Variants in EDA observed in about 807,000 individuals in gnomAD.
EDA encodes the protein ectodysplasin A.
Under a neutral mutation model 23.6 loss-of-function variants are expected in EDA, and 2 were observed. The observed-to-expected ratio is 0.08, with a 90% CI of 0.03 to 0.27. EDA has a LOEUF of 0.27. EDA is among the 10% of genes least tolerant of loss of function. EDA has a pLI of 1.00. For synonymous variants in EDA, 131 were observed against 132.0 expected (o/e 0.99, Z 0.05); for missense variants, 229 against 324.2 (o/e 0.71, Z 2.26).
intron 1 of EDA, among the ~76,000 whole-genome samples, chrX:69,888,711 T>C (rs2017867333): frequency 1.9e-5 from 2 of 106,590 alleles, no homozygotes; most frequent in African/African-American, 6.8e-5. Flanking sequence ...AGCAGGTAAT[T>C]ATATAATGAA....
intron 1 of EDA, among the ~76,000 whole-genome samples, chrX:69,632,240 T>A (rs1301747409): frequency 9.0e-6 from 1 of 111,706 alleles, no homozygotes; most frequent in Non-Finnish European, 1.9e-5. Flanking sequence ...CCATGTGATG[T>A]ATGGTCAACC....
intron 1 of EDA, among the ~76,000 whole-genome samples, chrX:69,849,231 CAAT>C (rs2017076118): frequency 9.0e-6 from 1 of 110,526 alleles, no homozygotes; most frequent in African/African-American, 3.3e-5. Context: ...GTTCTGTGAA[CAAT>C]GATGATGTAA....
At chrX:69,878,815 G>A (rs1363961120) in intron 1 of EDA, among the ~76,000 whole-genome samples, 2 of 109,287 alleles carry the variant, frequency 1.8e-5, no homozygotes, top group African/African-American at 6.7e-5. Flanking sequence ...CTTTTGTTAA[G>A]TGAATCCCAT....
intron 2 of EDA, among the ~76,000 whole-genome samples, chrX:69,960,708 T>C (rs762221951): frequency 9.0e-6 from 1 of 110,801 alleles, no homozygotes; most frequent in Admixed American, 9.6e-5. Context: ...AATTACTTGA[T>C]ATGTTATAAT....
At chrX:69,626,304 G>A (rs142559211) in intron 1 of EDA, among the ~76,000 whole-genome samples, 4 of 111,718 alleles carry the variant, frequency 3.6e-5, no homozygotes, top group Non-Finnish European at 5.7e-5. Flanking sequence ...CCACTCCTAG[G>A]CATATACCTA....
At chrX:69,923,146 G>T (rs2018460703) in intron 1 of EDA, among the ~76,000 whole-genome samples, 1 of 111,572 alleles carries the variant, frequency 9.0e-6, no homozygotes, top group Non-Finnish European at 1.9e-5. Flanking sequence ...ACTGTTAGTT[G>T]TATCTGATTT....
At chrX:69,709,579 G>T in intron 1 of EDA, among the ~76,000 whole-genome samples, 1 of 111,966 alleles carries the variant, frequency 8.9e-6, no homozygotes, top group Middle Eastern at 4.6e-3. Flanking sequence ...AGGAAGAAAG[G>T]GAGGGGAGGG....
chrX:69,726,681 T>TC (rs2012816355), intron 1 of EDA, among the ~76,000 whole-genome samples: 1 of 112,228 alleles, frequency 8.9e-6, no homozygotes, highest in Admixed American at 9.4e-5. Flanking sequence ...GGCTGGAAAG[T>TC]CCAAGATCAA....
intron 1 of EDA, among the ~76,000 whole-genome samples, chrX:69,896,398 A>AGTGTGTGTGTGTGTGT (rs373119823): frequency 2.1e-5 from 2 of 97,311 alleles, no homozygotes; most frequent in Non-Finnish European, 4.1e-5. Context: ...TATGTGCATC[A>AGTGTGTGTGTGTGTGT]GTGTGTGTGT....
chrX:69,895,332 G>A (rs1183860950), intron 1 of EDA, among the ~76,000 whole-genome samples: 1 of 106,774 alleles, frequency 9.4e-6, no homozygotes, highest in Non-Finnish European at 1.9e-5. Context: ...GGTGAGACTG[G>A]ATTTGTACGA....
chrX:69,724,035 CAG>C lies in EDA; in HGVS notation c.396+107333_396+107334del, dbSNP rs757821177. ...ACTTGGATAATTTAGATTCTCATAA[CAG>C]AAATATAATTGAAATGGCACAAGGT... On this transcript the variant is annotated intron_variant, in intron 1 of 7. Transcript: ENST00000374552. Among the ~76,000 whole-genome samples the C allele has an allele frequency of 1.0e-3, 116 of 111,922 alleles. 4 individuals carry two copies. Among genetic ancestry groups the C allele is most frequent in the East Asian group, 3.1e-3 (11 of 3,547 alleles).
chrX:69,675,845 T>A (rs182863329), intron 1 of EDA, among the ~76,000 whole-genome samples: 1 of 111,455 alleles, frequency 9.0e-6, no homozygotes, highest in Non-Finnish European at 1.9e-5. Flanking sequence ...GATGTGTATG[T>A]ATATGTGCAC....
intron 1 of EDA, among the ~76,000 whole-genome samples, chrX:69,901,016 T>C (rs1210160695): frequency 9.0e-6 from 1 of 111,520 alleles, no homozygotes; most frequent in Non-Finnish European, 1.9e-5. Context: ...TCCAATATTA[T>C]ATTAGAAGTC....
intron 1 of EDA, among the ~76,000 whole-genome samples, chrX:69,842,892 G>C (rs2016924658): frequency 9.0e-6 from 1 of 111,613 alleles, no homozygotes; most frequent in Admixed American, 9.5e-5. Context: ...CTTCTGCTAT[G>C]ATTATAAATT....
At chrX:69,991,290 A>G (rs2019585859) in intron 2 of EDA, among the ~76,000 whole-genome samples, 1 of 111,402 alleles carries the variant, frequency 9.0e-6, no homozygotes, top group Non-Finnish European at 1.9e-5. Flanking sequence ...CCCTACTTAC[A>G]TCTTCTATTT....
chrX:69,629,069 C>T (rs1932482328), intron 1 of EDA, among the ~76,000 whole-genome samples: 1 of 111,935 alleles, frequency 8.9e-6, no homozygotes, highest in South Asian at 3.8e-4. Context: ...CATCTCCCTA[C>T]TGCCCGTAGA....
At chrX:69,824,891 G>T (rs1237147597) in intron 1 of EDA, among the ~76,000 whole-genome samples, 8 of 76,520 alleles carry the variant, frequency 1.0e-4, no homozygotes, top group Non-Finnish European at 2.4e-5. Flanking sequence ...CTAATTTATT[G>T]AGAGTTTTTA....
intron 1 of EDA, among the ~76,000 whole-genome samples, chrX:69,929,626 C>A (rs896707953): frequency 4.6e-5 from 5 of 109,293 alleles, no homozygotes; most frequent in Non-Finnish European, 9.5e-5. Flanking sequence ...TGACAGTGGT[C>A]TGCCAAAGTC....
chrX:69,628,849 A>G lies in EDA; in HGVS notation c.396+12145A>G, dbSNP rs143701153. On this transcript the variant is annotated intron_variant, in intron 1 of 7. Coordinates refer to ENST00000374552, the MANE Select transcript of EDA (RefSeq NM_001399.5). Reference sequence around the variant, plus strand: ...TCCCTTTCTTTCTAGTCTCACTGCTATCACTCTGGCTGTATTTGGCTTAGA... The same window carrying G: ...TCCCTTTCTTTCTAGTCTCACTGCTGTCACTCTGGCTGTATTTGGCTTAGA... Among the ~76,000 whole-genome samples the G allele has an allele frequency of 4.5e-5, 5 of 111,145 alleles. No individual in the cohort carries two copies. The East Asian group carries it at 8.6e-4, about 19-fold the overall frequency.
Sources: gnomAD v4.1 joint callset for allele counts (sites outside exome capture counted in the v4.1 genomes callset) on GRCh38, gnomAD v4.1.1 for gene constraint, MANE v1.5 for transcripts, NCBI Gene and HGNC (gene_info 2026-07-23, HGNC 2026-07-21) for gene names.